The following SPEF2 variants were observed in gnomAD, a reference collection of about 807,000 sequenced individuals.
The protein encoded by SPEF2 is sperm flagellar and cilia associated 2, also known as sperm flagella and cilia-associated protein 2.
SPEF2 carries 187 observed loss-of-function variants against 224.6 expected under a neutral mutation model. That is an observed-to-expected ratio of 0.83 (90% CI 0.74 to 0.94). The LOEUF is 0.94. SPEF2 is among the 40% of genes least tolerant of loss of function. The pLI, the probability that SPEF2 is intolerant of heterozygous loss-of-function variation, is 0.00. For missense variants in SPEF2, 2,170 were observed against 2,135.6 expected, an observed-to-expected ratio of 1.02 and a Z score of -0.32; for synonymous variants, 715 against 707.3, an observed-to-expected ratio of 1.01 and a Z score of -0.17.
chr5:35,671,632 T>G, intron 10 of SPEF2: 7 of 614,014 alleles, frequency 1.1e-5, no homozygotes, highest in Non-Finnish European at 1.2e-5. Flanking sequence ...GCTCAATCTC[T>G]ATTCTTGTTG....
At chr5:35,745,367 G>A (rs1748332865) in intron 23 of SPEF2, among the ~76,000 whole-genome samples, 1 of 152,140 alleles carries the variant, frequency 6.6e-6, no homozygotes, top group African/African-American at 2.4e-5. Flanking sequence ...GACTCCTCAG[G>A]TAGGGGAAGA....
intron 28 of SPEF2, 25 bp downstream of exon 28, chr5:35,774,046 A>T (rs1489771074): frequency 6.2e-7 from 1 of 1,606,464 alleles, no homozygotes; most frequent in East Asian, 2.2e-5. Context: ...GACTAAGATG[A>T]TGCTTTTCAG....
At chr5:35,801,509 T>C (rs1045457604) in intron 34 of SPEF2, among the ~76,000 whole-genome samples, 4 of 143,896 alleles carry the variant, frequency 2.8e-5, no homozygotes, top group African/African-American at 1.1e-4. Flanking sequence ...CAAGACTCCA[T>C]CTCAAAAAAA....
At chr5:35,647,398 TA>T (rs1747540920) in intron 5 of SPEF2, among the ~76,000 whole-genome samples, 1 of 151,632 alleles carries the variant, frequency 6.6e-6, no homozygotes, top group Non-Finnish European at 1.5e-5. Flanking sequence ...TGGGAATTGA[TA>T]GAGTCAGAAC....
chr5:35,642,701 A>T (rs1156648889), intron 3 of SPEF2, among the ~76,000 whole-genome samples: 1 of 152,232 alleles, frequency 6.6e-6, no homozygotes, highest in Non-Finnish European at 1.5e-5. Flanking sequence ...AGGCCTCTGG[A>T]ATAATCATGA....
chr5:35,744,377 T>C (rs1390189089), intron 23 of SPEF2, among the ~76,000 whole-genome samples: 2 of 152,222 alleles, frequency 1.3e-5, no homozygotes, highest in African/African-American at 4.8e-5. Flanking sequence ...TCTGGGCAAG[T>C]GCATAACAAA....
intron 2 of SPEF2, among the ~76,000 whole-genome samples, chr5:35,637,698 T>C (rs1746035226): frequency 6.6e-6 from 1 of 152,182 alleles, no homozygotes; most frequent in African/African-American, 2.4e-5. Flanking sequence ...CTACATCTCA[T>C]ATCACACATC....
chr5:35,654,533 T>C lies in SPEF2; in HGVS notation c.792-7T>C, dbSNP rs1331464065. ...TAAAAATCTAAAATAAAAACTATTA[T>C]TCTTAGTGCATCCAAGACTTCTTTA... On this transcript the variant is annotated splice_polypyrimidine_tract_variant and splice_region_variant and intron_variant, in intron 6 of 36. Coordinates refer to ENST00000356031, the MANE Select transcript of SPEF2 (RefSeq NM_024867.4). 1 of 1,557,046 alleles carries C rather than the reference T, an allele frequency of 6.4e-7. No individual in the cohort carries two copies. The highest frequency in any genetic ancestry group is 1.4e-5 in the African/African-American group (1 of 72,086).
At chr5:35,784,710 CA>C (rs1754859538) in intron 30 of SPEF2, among the ~76,000 whole-genome samples, 1 of 151,648 alleles carries the variant, frequency 6.6e-6, no homozygotes. Context: ...TGTGAACAAA[CA>C]AGAGGCAGGA....
intron 20 of SPEF2, among the ~76,000 whole-genome samples, chr5:35,717,697 A>G (rs989751740): frequency 6.6e-6 from 1 of 152,126 alleles, no homozygotes; most frequent in African/African-American, 2.4e-5. Flanking sequence ...CCCAGTTTCC[A>G]CACAGGAAAA....
intron 20 of SPEF2, among the ~76,000 whole-genome samples, chr5:35,722,465 GT>G (rs763657219): frequency 0.042 from 5,840 of 137,772 alleles, 192 homozygotes; most frequent in African/African-American, 0.08. Context: ...GTTTTTTTTT[GT>G]TTTTTTTTTC....
intron 1 of SPEF2, among the ~76,000 whole-genome samples, chr5:35,627,333 G>T (rs1051396659): frequency 6.6e-6 from 1 of 152,010 alleles, no homozygotes; most frequent in African/African-American, 2.4e-5. Flanking sequence ...TGGGCACGGT[G>T]GCTCATGCCT....
intron 20 of SPEF2, among the ~76,000 whole-genome samples, chr5:35,723,300 A>G (rs1744097379): frequency 6.6e-6 from 1 of 152,224 alleles, no homozygotes; most frequent in Non-Finnish European, 1.5e-5. Flanking sequence ...CTCTTCAAGT[A>G]TGGTTTTGGG....
rs555842436 is a variant in SPEF2 at position 35,743,572 on chromosome 5, A to G, written c.3330+3305A>G. Among the ~76,000 whole-genome samples, 103 of 152,318 alleles carry G rather than the reference A, an allele frequency of 6.8e-4. 1 individual carries two copies. Among genetic ancestry groups the G allele is most frequent in the Admixed American group, 1.4e-3 (22 of 15,292 alleles). On this transcript the variant is annotated intron_variant, in intron 23 of 36. Transcript: ENST00000356031. The stretch of plus-strand genomic sequence containing the variant: ...TTCTGAAGTTAAGTTAAAAAAATAA[A>G]TAAACCTGCCTTTGCTTCATGCCCT...
At chr5:35,792,504 A>G in intron 31 of SPEF2, 58 bp downstream of exon 31, 1 of 1,390,696 alleles carries the variant, frequency 7.2e-7, no homozygotes, top group South Asian at 1.2e-5. Flanking sequence ...TGATCAATGC[A>G]TCAATAGTTC....
chr5:35,804,929 T>G (rs959928877), intron 34 of SPEF2, among the ~76,000 whole-genome samples: 3 of 152,150 alleles, frequency 2.0e-5, no homozygotes, highest in Non-Finnish European at 2.9e-5. Flanking sequence ...GAATAGAAAT[T>G]TATTCATCCT....
chr5:35,656,647 G>T (rs1748990945), intron 7 of SPEF2, among the ~76,000 whole-genome samples: 1 of 152,102 alleles, frequency 6.6e-6, no homozygotes, highest in African/African-American at 2.4e-5. Flanking sequence ...ATCTAGGTCT[G>T]GCGTTTGCCT....
intron 16 of SPEF2, among the ~76,000 whole-genome samples, chr5:35,704,244 A>G (rs143982209): frequency 6.4e-4 from 98 of 152,030 alleles, no homozygotes; most frequent in Non-Finnish European, 1.1e-3. Context: ...AATTTTTCCT[A>G]TTCTTTTCAA....
intron 10 of SPEF2, chr5:35,675,940 A>G (rs1356501264): frequency 2.2e-6 from 1 of 456,230 alleles, no homozygotes; most frequent in Non-Finnish European, 4.4e-6. Flanking sequence ...TAGAAGATGA[A>G]CTTGGGTCAT....
Sources: gnomAD v4.1 joint callset for allele counts (sites outside exome capture counted in the v4.1 genomes callset) on GRCh38, gnomAD v4.1.1 for gene constraint, MANE v1.5 for transcripts, NCBI Gene and HGNC (gene_info 2026-07-23, HGNC 2026-07-21) for gene names.